The following CACNG5 variants were observed in gnomAD, a reference collection of about 807,000 sequenced individuals.
CACNG5 encodes calcium voltage-gated channel auxiliary subunit gamma 5, also known as voltage-dependent calcium channel gamma-5 subunit.
CACNG5 carries 18 observed loss-of-function variants against 24.8 expected under a neutral mutation model. The observed-to-expected ratio is 0.73, with a 90% confidence interval of 0.50 to 1.08. The LOEUF is 1.08. Ranked by LOEUF, CACNG5 falls within the 50% of genes least tolerant of loss-of-function variation. The probability of loss-of-function intolerance (pLI) is 0.00; values close to 1 mark genes in which losing one functional copy is unlikely to be tolerated. For synonymous variants in CACNG5, 157 were observed against 149.1 expected, an observed-to-expected ratio of 1.05 and a Z score of -0.39; for missense variants, 349 against 367.9, an observed-to-expected ratio of 0.95 and a Z score of 0.42.
At chr17:66,864,203 G>C (rs561331966) in intron 1 of CACNG5, among the ~76,000 whole-genome samples, 2 of 152,190 alleles carry the variant, frequency 1.3e-5, no homozygotes, top group East Asian at 3.9e-4. Flanking sequence ...TTGAAGATGA[G>C]TTTCAGTCTT....
intron 1 of CACNG5, among the ~76,000 whole-genome samples, chr17:66,852,875 T>C (rs1976723718): frequency 1.4e-5 from 2 of 147,916 alleles, no homozygotes; most frequent in African/African-American, 4.9e-5. Context: ...TCCTCTCTCT[T>C]TCTCTCTCTT....
intron 1 of CACNG5, among the ~76,000 whole-genome samples, chr17:66,869,888 C>T (rs575259371): frequency 6.6e-6 from 1 of 152,024 alleles, no homozygotes; most frequent in African/African-American, 2.4e-5. Context: ...TTGAGACCAT[C>T]CTGGCCAACA....
chr17:66,880,314 GAC>G (rs545503418), intron 3 of CACNG5, among the ~76,000 whole-genome samples: 212 of 152,322 alleles, frequency 1.4e-3, no homozygotes, highest in African/African-American at 3.9e-3. Flanking sequence ...TGGAGGAAAT[GAC>G]AGAGGCCCTG....
intron 1 of CACNG5, among the ~76,000 whole-genome samples, chr17:66,854,834 G>GA (rs146705820): frequency 0.059 from 8,715 of 146,594 alleles, 300 homozygotes; most frequent in East Asian, 0.089. Context: ...GAATCCAATA[G>GA]AAAAAAAAAT....
chr17:66,881,177 C>T (rs995988852), intron 4 of CACNG5, among the ~76,000 whole-genome samples: 1 of 152,178 alleles, frequency 6.6e-6, no homozygotes, highest in Non-Finnish European at 1.5e-5. Context: ...CCATTATTAC[C>T]TTCCAGAAGA....
intron 1 of CACNG5, among the ~76,000 whole-genome samples, chr17:66,838,093 G>A (rs978322162): frequency 2.0e-5 from 3 of 151,890 alleles, no homozygotes; most frequent in African/African-American, 7.3e-5. Context: ...TGTTCTATGG[G>A]TGGTGCCCTC....
At chr17:66,848,595 G>C (rs533248418) in intron 1 of CACNG5, among the ~76,000 whole-genome samples, 12 of 152,314 alleles carry the variant, frequency 7.9e-5, no homozygotes, top group African/African-American at 2.9e-4. Context: ...GCACCACTTG[G>C]ATTTCTGCTC....
intron 1 of CACNG5, among the ~76,000 whole-genome samples, chr17:66,838,069 C>T (rs908469057): frequency 9.9e-5 from 15 of 151,870 alleles, no homozygotes; most frequent in African/African-American, 3.4e-4. Flanking sequence ...GAACACACCA[C>T]GTGGGGTTTG....
chr17:66,884,722 G>A, intron 5 of CACNG5, 61 bp downstream of exon 5: 1 of 1,614,140 alleles, frequency 6.2e-7, no homozygotes, highest in Non-Finnish European at 8.5e-7. Flanking sequence ...ACTGAGCCGG[G>A]GAGAGTGGGG....
At chr17:66,839,812 C>G (rs905619315) in intron 1 of CACNG5, among the ~76,000 whole-genome samples, 1 of 152,136 alleles carries the variant, frequency 6.6e-6, no homozygotes, top group African/African-American at 2.4e-5. Context: ...TAGGCACAAA[C>G]GCCGCTCCAG....
chr17:66,876,381 G>C (rs1977077810), intron 1 of CACNG5, among the ~76,000 whole-genome samples: 1 of 152,216 alleles, frequency 6.6e-6, no homozygotes, highest in Non-Finnish European at 1.5e-5. Context: ...CTCCACGGGG[G>C]CTGGCATCCA....
intron 4 of CACNG5, among the ~76,000 whole-genome samples, chr17:66,883,771 C>G (rs1483863285): frequency 6.6e-6 from 1 of 152,224 alleles, no homozygotes; most frequent in African/African-American, 2.4e-5. Flanking sequence ...CTATCTCTGC[C>G]CATGGGGCGT....
Position 66,877,214 on chromosome 17 carries a change from A to G in CACNG5, c.-103-16A>G. 4 of 788,620 alleles carry G rather than the reference A, an allele frequency of 5.1e-6. No individual in the cohort carries two copies. Among genetic ancestry groups the G allele is most frequent in the Non-Finnish European group, 6.0e-6 (3 of 498,922 alleles). The allele number at this position is 788,620 out of a possible 1,614,324, so 48.9% of individuals were successfully genotyped here. On this transcript the variant is annotated splice_polypyrimidine_tract_variant and intron_variant, in intron 1 of 5. Transcript: ENST00000533854. ...GTTTGACTTTAGTTACTGGCTCCTC[A>G]TCTTCGTCTTCTCAGAGCCGTGGGT...
intron 1 of CACNG5, among the ~76,000 whole-genome samples, chr17:66,837,033 T>C (rs1163459982): frequency 2.0e-5 from 3 of 152,256 alleles, no homozygotes; most frequent in Non-Finnish European, 4.4e-5. Context: ...TGTGTGACAC[T>C]GGCCAACTTA....
chr17:66,859,941 G>C (rs200257614), intron 1 of CACNG5, among the ~76,000 whole-genome samples: 2 of 151,410 alleles, frequency 1.3e-5, no homozygotes, highest in Non-Finnish European at 2.9e-5. Context: ...TGCTGGGTTC[G>C]TCCATCCACC....
intron 1 of CACNG5, among the ~76,000 whole-genome samples, chr17:66,853,910 C>G (rs185068418): frequency 6.6e-6 from 1 of 151,876 alleles, no homozygotes; most frequent in South Asian, 2.1e-4. Flanking sequence ...TTTATGTCAT[C>G]GAGTCCCTAA....
intron 1 of CACNG5, among the ~76,000 whole-genome samples, chr17:66,873,569 A>G (rs951514183): frequency 2.6e-5 from 4 of 152,242 alleles, no homozygotes; most frequent in African/African-American, 9.6e-5. Context: ...AGGCAACAGC[A>G]GTCGTGCTTC....
chr17:66,850,269 G>T (rs1201425569), intron 1 of CACNG5, among the ~76,000 whole-genome samples: 1 of 152,176 alleles, frequency 6.6e-6, no homozygotes, highest in Non-Finnish European at 1.5e-5. Context: ...CCCATTAATG[G>T]CCTGTTGAGC....
rs1977246015 is a variant in CACNG5 at position 66,885,501 on chromosome 17, G to A, written c.*261G>A. On this transcript the variant is annotated 3_prime_UTR_variant, in exon 6 of 6. Coordinates refer to ENST00000533854, the MANE Select transcript of CACNG5 (RefSeq NM_145811.3). Reference sequence around the variant, plus strand: ...CCCGCCCATGTGAGTGCCAATCACAGCAGTGGCTCCAGGAAGCCAGCAGCT... The same window carrying A: ...CCCGCCCATGTGAGTGCCAATCACAACAGTGGCTCCAGGAAGCCAGCAGCT... 2.1e-6 allele frequency: 1 copy of A among 473,520 alleles called. No homozygotes were observed. Among genetic ancestry groups the A allele is most frequent in the South Asian group, 4.2e-5 (1 of 23,610 alleles). The allele number at this position is 473,520 out of a possible 1,614,324, so 29.3% of individuals were successfully genotyped here. A position where few individuals can be genotyped will look rare whatever the true frequency, so the allele number is the denominator to read the frequency against.
Sources: allele counts gnomAD v4.1 joint callset (sites outside exome capture counted in the v4.1 genomes callset), GRCh38; gene constraint gnomAD v4.1.1; transcripts MANE v1.5; gene names NCBI Gene and HGNC (gene_info 2026-07-23, HGNC 2026-07-21).